Variants in CEACAM20 observed in about 807,000 individuals in gnomAD.
CEACAM20 encodes cell adhesion molecule CEACAM20.
A neutral mutation model predicts 61.2 loss-of-function variants in CEACAM20; 50 were observed. The observed-to-expected ratio is 0.82, with a 90% CI of 0.65 to 1.03. The LOEUF (loss-of-function observed/expected upper bound fraction) is 1.03, where lower values mean the gene tolerates loss of function less well. CEACAM20 is among the 50% of genes least tolerant of loss of function. CEACAM20 has a pLI of 0.00. For missense variants in CEACAM20, 683 were observed against 736.4 expected, an observed-to-expected ratio of 0.93 and a Z score of 0.84; for synonymous variants, 282 against 287.7, an observed-to-expected ratio of 0.98 and a Z score of 0.20.
chr19:44,511,756 C>G, intron 9 of CEACAM20, 84 bp from the exon 10 acceptor site: 1 of 1,400,232 alleles, frequency 7.1e-7, no homozygotes, highest in Admixed American at 1.9e-5. Context: ...GCTTTGGCCT[C>G]AGAGGCAATT....
rs1971622280 is a variant in CEACAM20 at position 44,528,946 on chromosome 19, C to CTT, written c.52+511_52+512insAA. Among the ~76,000 whole-genome samples the CTT allele has an allele frequency of 3.9e-5, 5 of 129,546 alleles. No homozygotes were observed. The East Asian group carries it at 7.8e-4, about 20-fold the overall frequency. The allele number at this position is 129,546 out of a possible 152,430, so 85.0% of individuals were successfully genotyped here. ...TATCTATGTTTATTTCTGTATTTCT[C>CTT]TCTTTCTTTCTTTTTTTTTTTTTTT... is the stretch of plus-strand genomic sequence containing the variant. On this transcript the variant is annotated intron_variant, in intron 1 of 11. Transcript: ENST00000614924.
chr19:44,508,679 C>T (rs1178125252), intron 11 of CEACAM20, among the ~76,000 whole-genome samples: 1 of 152,176 alleles, frequency 6.6e-6, no homozygotes, highest in Non-Finnish European at 1.5e-5. Context: ...CGTGAGCCAC[C>T]GCGCCTGGCC....
rs771251987 is a variant in CEACAM20 at position 44,516,975 on chromosome 19, C to T, written c.1280G>A (p.Arg427His). ...TASNSLTGLARSTSVLVKVVG... is the reference protein window; with the variant it reads ...TASNSLTGLAHSTSVLVKVVG... The stretch of plus-strand genomic sequence containing the variant: ...CACCTTGACCAGGACTGAAGTGGAG[C>T]GGGCCAGGCCAGTGAGAGAGTTGGA... The change falls in exon 6 of 12, where the codon CGC becomes CAC. Residue 427 changes from arginine to histidine, a missense_variant. Physicochemically the swap from Arg to His is conservative, Grantham distance 29. Transcript: ENST00000614924. The T allele has an allele frequency of 4.1e-5, 65 of 1,598,662 alleles. No homozygotes were observed. Among genetic ancestry groups the T allele is most frequent in the Admixed American group, 7.0e-5 (4 of 57,204 alleles).
Position 44,525,108 on chromosome 19 carries a change from T to C in CEACAM20, c.189A>G (p.Arg63=). Residue 63 remains arginine (R), a synonymous_variant, in exon 2 of 12, where the codon AGA becomes AGG. Transcript: ENST00000614924. ...TTGTTTTCTGGCCCCTACCTCTGGA[T>C]CTGCCATGAATCTGGGGTGTCCTGG... ...GTPRTPQIHG[R]SRELAKPSIA... The C allele has an allele frequency of 1.2e-6, 2 of 1,611,224 alleles. No individual in the cohort carries two copies. The highest frequency in any genetic ancestry group is 1.7e-5 in the Admixed American group (1 of 59,622).
chr19:44,529,344 TTCC>T (rs1971639510), intron 1 of CEACAM20, 111 bp downstream of exon 1: 5 of 945,872 alleles, frequency 5.3e-6, no homozygotes, highest in African/African-American at 3.9e-5. Context: ...CCATCTCTTT[TTCC>T]TCGAGTGCAC....
At chr19:44,506,629 C>CCT (rs1374781145) in intron 11 of CEACAM20, among the ~76,000 whole-genome samples, 8 of 152,330 alleles carry the variant, frequency 5.3e-5, no homozygotes, top group South Asian at 2.1e-4. Context: ...TGTGAGCTGC[C>CCT]TGTGGAGAGG....
intron 1 of CEACAM20, among the ~76,000 whole-genome samples, chr19:44,526,502 T>A (rs1971532670): frequency 7.2e-6 from 1 of 139,272 alleles, no homozygotes; most frequent in South Asian, 2.3e-4. Context: ...AATCCTGTCT[T>A]AAAAAAAAAA....
chr19:44,508,670 G>A (rs1044764244), intron 11 of CEACAM20, among the ~76,000 whole-genome samples: 18 of 152,242 alleles, frequency 1.2e-4, no homozygotes, highest in African/African-American at 3.4e-4. Context: ...GATTACAGGC[G>A]TGAGCCACCG....
intron 11 of CEACAM20, among the ~76,000 whole-genome samples, chr19:44,509,675 TGAAAA>T (rs1453707984): frequency 1.4e-5 from 2 of 145,506 alleles, no homozygotes; most frequent in African/African-American, 5.1e-5. Flanking sequence ...TGGAAAGAAA[TGAAAA>T]GGGAAAGGAA....
chr19:44,523,000 A>AT, intron 3 of CEACAM20, 88 bp from the exon 4 acceptor site: 1 of 1,124,202 alleles, frequency 8.9e-7, no homozygotes, highest in Non-Finnish European at 1.3e-6. Context: ...TAAATACTTT[A>AT]TTTCCCTCCT....
intron 4 of CEACAM20, among the ~76,000 whole-genome samples, chr19:44,521,523 T>C (rs1971364868): frequency 6.6e-6 from 1 of 152,056 alleles, no homozygotes; most frequent in African/African-American, 2.4e-5. Context: ...TGTGTGAGCA[T>C]TTTGTGTGTG....
intron 6 of CEACAM20, among the ~76,000 whole-genome samples, chr19:44,514,534 C>CA (rs1971099272): frequency 6.6e-6 from 1 of 151,360 alleles, no homozygotes; most frequent in Non-Finnish European, 1.5e-5. Flanking sequence ...CTGCAACCTC[C>CA]ACCTCCCTGG....
At position 44,513,265 on chromosome 19, in the gene CEACAM20, G is replaced by A. The variant is rs1971060530; in HGVS notation, c.1334C>T (p.Ser445Leu). ...VVGPQSSSLSSGAIAGIVIGI... is the reference protein window; with the variant it reads ...VVGPQSSSLSLGAIAGIVIGI... ...GATGACAATACCAGCGATGGCCCCTGAGGACAGGGAGGAGGACTGGGGACC... is the reference window on the plus strand; with the variant it reads ...GATGACAATACCAGCGATGGCCCCTAAGGACAGGGAGGAGGACTGGGGACC... The change falls in exon 7 of 12, where the codon TCA (serine) becomes TTA (leucine). Residue 445 changes from serine to leucine, a missense_variant. Ser to Leu is a moderately radical substitution (Grantham distance 145). Coordinates refer to ENST00000614924, the MANE Select transcript of CEACAM20 (RefSeq NM_001102597.3). 6.2e-7 allele frequency: 1 copy of A among 1,613,692 alleles called. No individual in the cohort carries two copies.
chr19:44,529,386 ACAC>A (rs1971643918), intron 1 of CEACAM20, 69 bp downstream of exon 1: 23 of 1,276,704 alleles, frequency 1.8e-5, no homozygotes, highest in Non-Finnish European at 2.4e-5. Flanking sequence ...ACACACACAC[ACAC>A]ACACACCGCT....
Position 44,522,671 on chromosome 19 carries a change from G to A in CEACAM20, c.714C>T (p.His238=). The change falls in exon 4 of 12, where the codon CAC becomes CAT. Residue 238 remains histidine, a synonymous_variant. Transcript: ENST00000614924. ...YRCLVSNSAT[H]LSSLGTLKVR... ...CCTTCAGAGTACCCAGGCTGGACAG[G>A]TGGGTGGCACTGTTGGACACCAAGC... 1.2e-6 allele frequency: 2 copies of A among 1,613,698 alleles called. No homozygotes were observed. Among genetic ancestry groups the A allele is most frequent in the South Asian group, 2.2e-5 (2 of 90,996 alleles).
At chr19:44,525,794 C>A (rs1328479401) in intron 1 of CEACAM20, among the ~76,000 whole-genome samples, 1 of 152,206 alleles carries the variant, frequency 6.6e-6, no homozygotes, top group African/African-American at 2.4e-5. Flanking sequence ...GTAAAATGGG[C>A]ATACTATCAC....
chr19:44,511,575 A>C (rs1971000265), intron 10 of CEACAM20, 62 bp downstream of exon 10: 2 of 1,500,158 alleles, frequency 1.3e-6, no homozygotes, highest in Non-Finnish European at 1.8e-6. Context: ...TATCACATAT[A>C]AAATTTTCAG....
intron 6 of CEACAM20, among the ~76,000 whole-genome samples, chr19:44,515,052 G>T (rs927511291): frequency 4.6e-5 from 7 of 151,998 alleles, no homozygotes; most frequent in Non-Finnish European, 8.8e-5. Context: ...TGCCCCGGCT[G>T]GTCTTCAACT....
intron 4 of CEACAM20, among the ~76,000 whole-genome samples, chr19:44,521,502 CAT>C (rs1381003538): frequency 6.6e-6 from 1 of 150,392 alleles, no homozygotes; most frequent in East Asian, 2.0e-4. Context: ...GTGTGTTGTA[CAT>C]GTGTTGTATG....
Sources: gnomAD v4.1 joint callset for allele counts (sites outside exome capture counted in the v4.1 genomes callset) on GRCh38, gnomAD v4.1.1 for gene constraint, MANE v1.5 for transcripts, NCBI Gene and HGNC (gene_info 2026-07-23, HGNC 2026-07-21) for gene names.